The following SF3B3 variants were observed in gnomAD, a reference collection of about 807,000 sequenced individuals.
The protein encoded by SF3B3 is SAP 130.
In SF3B3, 33 loss-of-function variants were observed where a neutral mutation model predicts 139.2. That is an observed-to-expected ratio of 0.24 (90% confidence interval 0.18 to 0.32). The LOEUF (loss-of-function observed/expected upper bound fraction) is 0.32, where lower values mean the gene tolerates loss of function less well. Among genes scored for constraint, SF3B3 ranks in the 10% least tolerant of loss-of-function variants. The pLI, the probability that SF3B3 is intolerant of heterozygous loss-of-function variation, is 1.00. For missense variants in SF3B3, 818 were observed against 1,509.4 expected, an observed-to-expected ratio of 0.54 and a Z score of 7.59; for synonymous variants, 596 against 563.6, an observed-to-expected ratio of 1.06 and a Z score of -0.81.
chr16:70,560,627 G>A, intron 16 of SF3B3, 36 bp downstream of exon 16: 1 of 1,607,920 alleles, frequency 6.2e-7, no homozygotes, highest in Non-Finnish European at 8.5e-7. Context: ...CAACATCTTT[G>A]GGATTTTAGT....
chr16:70,566,022 C>A (rs1209772585), intron 20 of SF3B3, among the ~76,000 whole-genome samples: 1 of 151,532 alleles, frequency 6.6e-6, no homozygotes, highest in Non-Finnish European at 1.5e-5. Flanking sequence ...GAGGCTAAGA[C>A]AGGAGAATCG....
Position 70,526,652 on chromosome 16 carries a change from C to T in SF3B3, c.-5C>T. The T allele has an allele frequency of 6.2e-7, 1 of 1,612,388 alleles. No homozygotes were observed. The highest frequency in any genetic ancestry group is 8.5e-7 in the Non-Finnish European group (1 of 1,178,592). ...AGGTCTGGGTGGCTCAGGTTTCCTG[C>T]AGCCATGTTTCTGTACAACTTAACC... On this transcript the variant is annotated 5_prime_UTR_variant, in exon 2 of 26. Transcript: ENST00000302516.
intron 16 of SF3B3, chr16:70,561,391 G>T (rs1000683435): frequency 4.4e-6 from 2 of 457,464 alleles, no homozygotes; most frequent in Admixed American, 3.8e-5. Context: ...GTGGAAGCAG[G>T]CTTAGAGAGA....
chr16:70,554,428 C>A lies in SF3B3; in HGVS notation c.1403-18C>A, dbSNP rs370269817. 1.2e-5 allele frequency: 20 copies of A among 1,613,070 alleles called. No homozygotes were observed. In the Admixed American group the frequency reaches 2.0e-4, roughly 16 times the overall value. The stretch of plus-strand genomic sequence containing the variant: ...TAATGAGTTCTTATCTAACCAACTC[C>A]CTTCTTTTCTTTTTCAGATGAGTTT... On this transcript the variant is annotated intron_variant, in intron 11 of 25. Coordinates refer to ENST00000302516, the MANE Select transcript of SF3B3 (RefSeq NM_012426.5).
rs758105278 is a variant in SF3B3 at position 70,567,583 on chromosome 16, G to C, written c.2952+47G>C. On this transcript the variant is annotated intron_variant, in intron 21 of 25. Transcript: ENST00000302516. ...CTGAGATCTAGCTCATGTGTCAAGGGTGGGGGCATTGGTGGGGTGGTGGGC... is the reference window on the plus strand; with the variant it reads ...CTGAGATCTAGCTCATGTGTCAAGGCTGGGGGCATTGGTGGGGTGGTGGGC... The C allele has an allele frequency of 1.1e-5, 17 of 1,582,192 alleles. No homozygotes were observed. The South Asian group carries it at 2.0e-4, about 18-fold the overall frequency.
rs2050538726 is a variant in SF3B3 at position 70,572,501 on chromosome 16, C to G, written c.*688C>G. 1 of 170,940 alleles carries G rather than the reference C, an allele frequency of 5.9e-6. No individual in the cohort carries two copies. The highest frequency in any genetic ancestry group is 1.2e-5 in the Non-Finnish European group (1 of 80,866). 10.6% of individuals were successfully genotyped at this position (170,940 alleles called of 1,614,324 possible). On this transcript the variant is annotated 3_prime_UTR_variant, in exon 26 of 26. Transcript: ENST00000302516. The stretch of plus-strand genomic sequence containing the variant: ...TTGCTGTGCTGATGAAACATGACCT[C>G]AATAACCATGTGTATACCCACCCCT...
In SF3B3 at chr16:70,523,902, T is replaced by C. The variant is rs2050018014; in HGVS notation, c.-97T>C. The C allele has an allele frequency of 2.1e-6, 1 of 480,630 alleles. No homozygotes were observed. Among genetic ancestry groups the C allele is most frequent in the African/African-American group, 2.0e-5 (1 of 49,758 alleles). The allele number at this position is 480,630 out of a possible 1,614,324, so 29.8% of individuals were successfully genotyped here. ...TTGAAGGGAGGTAGCATCCGTTGGA[T>C]ATCCACACCATCCTTCTCGCTGCAG... On this transcript the variant is annotated 5_prime_UTR_variant, in exon 1 of 26. Transcript: ENST00000302516.
chr16:70,533,215 C>A (rs1054321692), intron 5 of SF3B3, among the ~76,000 whole-genome samples: 2 of 152,072 alleles, frequency 1.3e-5, no homozygotes, highest in Non-Finnish European at 2.9e-5. Context: ...CTCGGCTGGG[C>A]ATGGTGGCTC....
At chr16:70,554,262 T>C in intron 11 of SF3B3, 184 bp from the exon 12 acceptor site, 1 of 555,742 alleles carries the variant, frequency 1.8e-6, no homozygotes, top group Non-Finnish European at 3.2e-6. Flanking sequence ...CTGTAGGCTC[T>C]TCTGACCCCT....
At chr16:70,546,080 C>G (rs558868147) in intron 10 of SF3B3, among the ~76,000 whole-genome samples, 13 of 152,292 alleles carry the variant, frequency 8.5e-5, no homozygotes, top group Non-Finnish European at 1.6e-4. Context: ...AATTCTCCCA[C>G]CTTAGCTTCT....
chr16:70,570,291 G>A (rs2050515736), intron 24 of SF3B3, 142 bp downstream of exon 24: 1 of 678,092 alleles, frequency 1.5e-6, no homozygotes, highest in Non-Finnish European at 2.3e-6. Context: ...TACTTGGGGA[G>A]ATAGGAATCT....
chr16:70,568,547 C>CA (rs1567426234), intron 22 of SF3B3, 52 bp downstream of exon 22: 1 of 1,454,436 alleles, frequency 6.9e-7, no homozygotes, highest in Admixed American at 1.8e-5. Context: ...AAAGCTGGCT[C>CA]AGTTTCTTGT....
At chr16:70,532,679 C>T in intron 5 of SF3B3, 59 bp downstream of exon 5, 3 of 1,534,596 alleles carry the variant, frequency 2.0e-6, no homozygotes, top group Non-Finnish European at 2.7e-6. Context: ...ATGCCCAAAC[C>T]TAATAGGTTT....
At chr16:70,548,309 T>C in intron 10 of SF3B3, 61 bp from the exon 11 acceptor site, 1 of 1,349,398 alleles carries the variant, frequency 7.4e-7, no homozygotes, top group South Asian at 1.2e-5. Context: ...TTGATGTGAT[T>C]GTAAGCAGGT....
At chr16:70,542,774 T>C (rs2050231842) in intron 9 of SF3B3, among the ~76,000 whole-genome samples, 1 of 151,008 alleles carries the variant, frequency 6.6e-6, no homozygotes, top group Non-Finnish European at 1.5e-5. Flanking sequence ...CAGGCTGGAG[T>C]GCAGTGGCGT....
chr16:70,542,825 C>G (rs576201533), intron 9 of SF3B3, among the ~76,000 whole-genome samples: 1 of 151,494 alleles, frequency 6.6e-6, no homozygotes, highest in Non-Finnish European at 1.5e-5. Context: ...AGGTTCACGC[C>G]ATTCTCCTGC....
chr16:70,568,181 T>G, intron 21 of SF3B3, 102 bp from the exon 22 acceptor site: 3 of 868,968 alleles, frequency 3.5e-6, no homozygotes, highest in Middle Eastern at 4.8e-4. Flanking sequence ...TGGTATTTGC[T>G]GTTCTGCTGA....
intron 9 of SF3B3, among the ~76,000 whole-genome samples, chr16:70,543,903 G>GAT (rs2050244531): frequency 6.6e-6 from 1 of 150,776 alleles, no homozygotes. Context: ...ACCCAGGCTA[G>GAT]AGTGCAGTGG....
In SF3B3 at chr16:70,535,362, T is replaced by G. The variant is rs894947400; in HGVS notation, c.767T>G (p.Ile256Ser). The G allele has an allele frequency of 1.2e-6, 2 of 1,612,378 alleles. No individual in the cohort carries two copies. Among genetic ancestry groups the G allele is most frequent in the Non-Finnish European group, 8.5e-7 (1 of 1,179,074 alleles). The change falls in exon 6 of 26, where the codon ATT becomes AGT. Residue 256 changes from isoleucine (I) to serine (S), a missense_variant. This residue lies in a region of SF3B3 where 80 missense variants were observed against 206.5 expected (regional missense o/e 0.39). Coordinates refer to ENST00000302516, the MANE Select transcript of SF3B3 (RefSeq NM_012426.5). ...SGVLICSENY[I>S]TYKNFGDQPD... ...GTACTGATCTGCTCTGAAAACTATA[T>G]TACTTACAAGAACTTTGGTGACCAG...
Sources: gnomAD v4.1 joint callset for allele counts (sites outside exome capture counted in the v4.1 genomes callset) on GRCh38, gnomAD v4.1.1 for gene constraint, gnomAD v4.1.1 regional missense constraint, MANE v1.5 for transcripts, NCBI Gene and HGNC (gene_info 2026-07-23, HGNC 2026-07-21) for gene names.